The following SHANK2 variants were observed in gnomAD, a reference collection of about 807,000 sequenced individuals.
SHANK2 encodes the protein SH3 and multiple ankyrin repeat domains protein 2.
A neutral mutation model predicts 133.7 loss-of-function variants in SHANK2; 43 were observed. The observed-to-expected ratio is 0.32, with a 90% CI of 0.25 to 0.41. The LOEUF (loss-of-function observed/expected upper bound fraction) is 0.41. SHANK2 is among the 10% of genes least tolerant of loss of function. The pLI, the probability that SHANK2 is intolerant of heterozygous loss-of-function variation, is 1.00. For missense variants in SHANK2, 1,994 were observed against 2,235.8 expected (o/e 0.89, Z 2.18); for synonymous variants, 1,017 against 952.8 (o/e 1.07, Z -1.24).
At chr11:70,931,985 C>G (rs782793761) in intron 10 of SHANK2, among the ~76,000 whole-genome samples, 4 of 152,180 alleles carry the variant, frequency 2.6e-5, no homozygotes, top group Non-Finnish European at 5.9e-5. Flanking sequence ...AGAGCCTCTA[C>G]GTGCAGTATT....
chr11:70,789,858 T>G (rs1185859201), intron 14 of SHANK2, among the ~76,000 whole-genome samples: 4 of 152,198 alleles, frequency 2.6e-5, no homozygotes, highest in Admixed American at 6.5e-5. Flanking sequence ...TTTCTCATCA[T>G]GTTCTACATG....
At chr11:71,112,769 C>T (rs1951910460) in intron 5 of SHANK2, among the ~76,000 whole-genome samples, 1 of 152,142 alleles carries the variant, frequency 6.6e-6, no homozygotes. Context: ...TGAAAGACAG[C>T]AGGGTGTTCA....
chr11:70,602,366 G>A (rs1433693364), intron 17 of SHANK2, among the ~76,000 whole-genome samples: 1 of 152,216 alleles, frequency 6.6e-6, no homozygotes, highest in Non-Finnish European at 1.5e-5. Context: ...GCCTCCACGT[G>A]GTAGAGCTGA....
In SHANK2 at chr11:71,074,882, C is replaced by A. The variant is rs977046853; in HGVS notation, c.1029+277G>T. On this transcript the variant is annotated intron_variant, in intron 9 of 25. Coordinates refer to ENST00000601538, the MANE Select transcript of SHANK2 (RefSeq NM_012309.5). ...GCAAGCTCCGCCTCCTGGGTTCACG[C>A]CATTCTCCTGCCTCAGCTTCCCGAG... Among the ~76,000 whole-genome samples the A allele has an allele frequency of 5.2e-3, 786 of 151,620 alleles. 7 individuals carry two copies. The highest frequency in any genetic ancestry group is 0.018 in the African/African-American group (746 of 41,250).
chr11:71,165,917 T>C (rs11232366), intron 2 of SHANK2, among the ~76,000 whole-genome samples: 122 of 152,254 alleles, frequency 8.0e-4, no homozygotes, highest in Non-Finnish European at 1.6e-3. Flanking sequence ...CCATGAGCAC[T>C]CTGTCAGGAA....
chr11:70,646,499 G>A (rs1403155336), intron 17 of SHANK2, among the ~76,000 whole-genome samples: 1 of 152,190 alleles, frequency 6.6e-6, no homozygotes, highest in African/African-American at 2.4e-5. Context: ...TGACAATAGG[G>A]GTGGAGCAAC....
chr11:70,942,111 C>T (rs1950656567), intron 10 of SHANK2, among the ~76,000 whole-genome samples: 1 of 152,028 alleles, frequency 6.6e-6, no homozygotes. Context: ...TGTGTGAACC[C>T]AGGAGGCGGA....
At position 71,197,523 on chromosome 11, in the gene SHANK2, TCTC is replaced by T. The variant is rs1444039991; in HGVS notation, c.-13+27171_-13+27173del. On this transcript the variant is annotated intron_variant, in intron 2 of 25. Coordinates refer to ENST00000601538, the MANE Select transcript of SHANK2 (RefSeq NM_012309.5). ...ACCCTGCCCCATGAGGCCATCTTCT[TCTC>T]TGTCTCTCCATCTGGGCAAATCCCA... is the stretch of plus-strand genomic sequence containing the variant. Among the ~76,000 whole-genome samples the T allele has an allele frequency of 2.6e-5, 4 of 152,258 alleles. No homozygotes were observed. The East Asian group carries it at 7.7e-4, about 29-fold the overall frequency.
Position 70,487,497 on chromosome 11 carries a change from C to T in SHANK2, c.2796G>A (p.Val932=). 1 of 1,613,994 alleles carries T rather than the reference C, an allele frequency of 6.2e-7. No homozygotes were observed. Among genetic ancestry groups the T allele is most frequent in the Non-Finnish European group, 8.5e-7 (1 of 1,180,022 alleles). Residue 932 remains valine (V), a synonymous_variant, in exon 25 of 26, where the codon GTG becomes GTA. Transcript: ENST00000601538. The surrounding 1 kb of genome is among the most constrained non-coding windows in gnomAD (Gnocchi z 5.8). The part of the protein sequence containing the change: ...PAFNQNSAAK[V]SPATRSDTVA... ...CGGTGTCGGACCTGGTGGCGGGGGA[C>T]ACCTTGGCGGCAGAATTCTGATTGA...
chr11:71,075,778 C>T (rs1425312220), intron 8 of SHANK2, among the ~76,000 whole-genome samples: 2 of 152,288 alleles, frequency 1.3e-5, no homozygotes, highest in East Asian at 3.9e-4. Flanking sequence ...GTGCGACGGA[C>T]GGCCCCACGA....
intron 2 of SHANK2, among the ~76,000 whole-genome samples, chr11:71,165,677 G>A (rs571098877): frequency 5.9e-5 from 9 of 152,276 alleles, no homozygotes; most frequent in Non-Finnish European, 7.4e-5. Flanking sequence ...AGGGGTTGCC[G>A]GGGGACCTGG....
At chr11:70,616,880 C>T (rs1565182762) in intron 17 of SHANK2, among the ~76,000 whole-genome samples, 1 of 152,306 alleles carries the variant, frequency 6.6e-6, no homozygotes, top group East Asian at 1.9e-4. Flanking sequence ...GACAAATGCC[C>T]CGCAAAGGGC....
intron 17 of SHANK2, among the ~76,000 whole-genome samples, chr11:70,548,570 G>A (rs1387844340): frequency 5.9e-5 from 9 of 152,236 alleles, no homozygotes; most frequent in Non-Finnish European, 1.3e-4. Flanking sequence ...CCCCAAGGAT[G>A]AGAACAGAGG....
At chr11:70,699,079 A>C (rs1411049293) in intron 14 of SHANK2, among the ~76,000 whole-genome samples, 1 of 152,194 alleles carries the variant, frequency 6.6e-6, no homozygotes, top group East Asian at 1.9e-4. Flanking sequence ...GGGCCAGGCC[A>C]GCTCAGACCC....
intron 10 of SHANK2, among the ~76,000 whole-genome samples, chr11:70,924,170 C>T (rs1484054144): frequency 2.0e-5 from 3 of 152,170 alleles, no homozygotes; most frequent in Non-Finnish European, 4.4e-5. Context: ...ACACTCCCCA[C>T]CACCCTGCAC....
At chr11:71,101,216 G>C (rs893717707) in intron 6 of SHANK2, among the ~76,000 whole-genome samples, 1 of 152,072 alleles carries the variant, frequency 6.6e-6, no homozygotes, top group South Asian at 2.1e-4. Context: ...CTCTGTCCCC[G>C]ACCCCAAGAC....
At chr11:70,623,647 T>G (rs1310317122) in intron 17 of SHANK2, among the ~76,000 whole-genome samples, 1 of 152,180 alleles carries the variant, frequency 6.6e-6, no homozygotes, top group Non-Finnish European at 1.5e-5. Context: ...TCTGATACAG[T>G]AGCCCCAGCC....
chr11:70,623,028 T>C, intron 17 of SHANK2, among the ~76,000 whole-genome samples: 1 of 151,906 alleles, frequency 6.6e-6, no homozygotes, highest in Admixed American at 6.6e-5. Context: ...AATACAAAAT[T>C]AGCCAGGCAT....
At chr11:70,720,090 C>A (rs1466183194) in intron 14 of SHANK2, among the ~76,000 whole-genome samples, 2 of 152,176 alleles carry the variant, frequency 1.3e-5, no homozygotes, top group Non-Finnish European at 2.9e-5. Context: ...GAAGGCAGAG[C>A]CAGAACCATC....
Sources: allele counts gnomAD v4.1 joint callset (sites outside exome capture counted in the v4.1 genomes callset), GRCh38; gene constraint gnomAD v4.1.1; non-coding constraint Gnocchi (gnomAD v3.1); transcripts MANE v1.5; gene names NCBI Gene and HGNC (gene_info 2026-07-23, HGNC 2026-07-21).